The following ANKS1B variants were observed in gnomAD, a reference collection of about 807,000 sequenced individuals.
ANKS1B encodes ankyrin repeat and sterile alpha motif domain containing 1B.
Under a neutral mutation model 148.3 loss-of-function variants are expected in ANKS1B, and 36 were observed. That is an observed-to-expected ratio of 0.24 (90% CI 0.19 to 0.32). The LOEUF (loss-of-function observed/expected upper bound fraction) is 0.32, where lower values mean the gene tolerates loss of function less well. Among genes scored for constraint, ANKS1B ranks in the 10% least tolerant of loss-of-function variants. The pLI, the probability that ANKS1B is intolerant of heterozygous loss-of-function variation, is 1.00. For missense variants in ANKS1B, 1,157 were observed against 1,542.6 expected (o/e 0.75, Z 4.19); for synonymous variants, 542 against 560.8 (o/e 0.97, Z 0.47).
At chr12:99,068,708 AGAG>A (rs2045328536) in intron 16 of ANKS1B, among the ~76,000 whole-genome samples, 1 of 32,854 alleles carries the variant, frequency 3.0e-5, no homozygotes, top group Non-Finnish European at 1.0e-4. Context: ...GGGGGCAGAG[AGAG>A]AGAGAGAGAG....
downstream of ANKS1B, among the ~76,000 whole-genome samples, chr12:98,741,471 G>T (rs1017781846): frequency 6.6e-6 from 1 of 152,134 alleles, no homozygotes; most frequent in Non-Finnish European, 1.5e-5. Context: ...ACGATTTTGC[G>T]TGAAAATCCA....
chr12:99,726,241 G>T (rs1343497898), intron 8 of ANKS1B, among the ~76,000 whole-genome samples: 1 of 152,054 alleles, frequency 6.6e-6, no homozygotes, highest in Admixed American at 6.6e-5. Flanking sequence ...TAGACTGCTA[G>T]CTAGACTAAT....
chr12:99,145,542 G>A (rs566163467), intron 15 of ANKS1B, among the ~76,000 whole-genome samples: 22 of 152,162 alleles, frequency 1.4e-4, no homozygotes, highest in African/African-American at 5.1e-4. Flanking sequence ...AAAAGTGAAT[G>A]CGTATATTTA....
chr12:99,735,807 C>CAAAAAAAAA (rs376398944), intron 8 of ANKS1B, among the ~76,000 whole-genome samples: 241 of 108,748 alleles, frequency 2.2e-3, no homozygotes, highest in African/African-American at 3.1e-3. Context: ...GGACATATAC[C>CAAAAAAAAA]AAAAAAAAAA....
intron 6 of ANKS1B, among the ~76,000 whole-genome samples, chr12:99,777,920 C>T (rs569981596): frequency 2.6e-5 from 4 of 151,576 alleles, no homozygotes; most frequent in South Asian, 2.1e-4. Flanking sequence ...GAGAGGCAGC[C>T]GGGCACGGTA....
chr12:99,715,373 C>T (rs1416099203), intron 8 of ANKS1B, among the ~76,000 whole-genome samples: 1 of 152,170 alleles, frequency 6.6e-6, no homozygotes, highest in Non-Finnish European at 1.5e-5. Context: ...AAAAGCTCCC[C>T]TACTGAGCAC....
chr12:98,822,995 T>C (rs186857389), intron 19 of ANKS1B, among the ~76,000 whole-genome samples: 1 of 152,356 alleles, frequency 6.6e-6, no homozygotes, highest in Non-Finnish European at 1.5e-5. Context: ...TTGTCTCAGA[T>C]AGAGCAGGGT....
chr12:99,887,128 G>A (rs992609590), intron 1 of ANKS1B, among the ~76,000 whole-genome samples: 8 of 152,134 alleles, frequency 5.3e-5, no homozygotes, highest in Non-Finnish European at 1.0e-4. Context: ...GTCAGTAACT[G>A]AAACAGTGAA....
At chr12:99,853,878 AC>A (rs1026769154) in intron 1 of ANKS1B, among the ~76,000 whole-genome samples, 6 of 152,238 alleles carry the variant, frequency 3.9e-5, no homozygotes, top group Admixed American at 6.5e-5. Context: ...TAAATAAAAA[AC>A]AGTCAAAAAC....
intron 4 of ANKS1B, among the ~76,000 whole-genome samples, chr12:99,802,461 T>C (rs749511535): frequency 1.3e-5 from 2 of 152,142 alleles, no homozygotes; most frequent in African/African-American, 2.4e-5. Flanking sequence ...ATTAAAAAAA[T>C]ATTTAAAGAC....
Position 99,895,420 on chromosome 12 carries a change from C to T in ANKS1B, c.135-70031G>A, listed in dbSNP as rs977580672. ...TTCCTTAAAATCAATCCATCAACCC[C>T]CAACCCGTGTGTGTGTGTGTGTCCT... On this transcript the variant is annotated intron_variant, in intron 1 of 26. Transcript: ENST00000683438. 2.2e-4 allele frequency among the ~76,000 whole-genome samples: 29 copies of T among 129,674 alleles called. 1 individual carries two copies. The highest frequency in any genetic ancestry group is 7.5e-4 in the African/African-American group (29 of 38,716). 85.1% of individuals were successfully genotyped at this position (129,674 alleles called of 152,430 possible).
chr12:99,936,149 G>A (rs1028665091), intron 1 of ANKS1B, among the ~76,000 whole-genome samples: 1 of 152,144 alleles, frequency 6.6e-6, no homozygotes, highest in East Asian at 1.9e-4. Flanking sequence ...TGGGGATTAT[G>A]AGGATTACAA....
intron 1 of ANKS1B, among the ~76,000 whole-genome samples, chr12:99,930,682 G>C (rs2094590933): frequency 6.6e-6 from 1 of 152,138 alleles, no homozygotes; most frequent in African/African-American, 2.4e-5. Context: ...TCATTAAAAA[G>C]TCAGGAAACA....
intron 17 of ANKS1B, among the ~76,000 whole-genome samples, chr12:98,988,558 T>A (rs1220786997): frequency 6.6e-6 from 1 of 152,178 alleles, no homozygotes; most frequent in Non-Finnish European, 1.5e-5. Context: ...ACTGCTGCAA[T>A]GAACACCAAA....
chr12:98,973,331 G>A (rs1417431613), intron 17 of ANKS1B, among the ~76,000 whole-genome samples: 2 of 151,966 alleles, frequency 1.3e-5, no homozygotes, highest in African/African-American at 4.8e-5. Flanking sequence ...AAGCAGTATA[G>A]AATACCCATA....
intron 9 of ANKS1B, among the ~76,000 whole-genome samples, chr12:99,605,029 A>C (rs994806044): frequency 6.6e-6 from 1 of 151,948 alleles, no homozygotes; most frequent in African/African-American, 2.4e-5. Context: ...AAACTGTCAC[A>C]TTCTCAGACC....
intron 14 of ANKS1B, among the ~76,000 whole-genome samples, chr12:99,163,020 T>C (rs987758021): frequency 6.6e-6 from 1 of 151,464 alleles, no homozygotes; most frequent in African/African-American, 2.4e-5. Flanking sequence ...ATTGTGCCAC[T>C]GCACTCCAGC....
chr12:98,933,179 C>T (rs891589915), intron 17 of ANKS1B, among the ~76,000 whole-genome samples: 1 of 152,136 alleles, frequency 6.6e-6, no homozygotes, highest in African/African-American at 2.4e-5. Context: ...ACCACAATTG[C>T]ACTCTTTGAT....
At chr12:99,461,438 AG>A (rs1209839970) in intron 10 of ANKS1B, among the ~76,000 whole-genome samples, 2 of 150,994 alleles carry the variant, frequency 1.3e-5, no homozygotes, top group East Asian at 1.9e-4. Context: ...TTAAAAAAAA[AG>A]AAGAAGAAAA....
Sources: allele counts gnomAD v4.1 joint callset (sites outside exome capture counted in the v4.1 genomes callset), GRCh38; gene constraint gnomAD v4.1.1; transcripts MANE v1.5; gene names NCBI Gene and HGNC (gene_info 2026-07-23, HGNC 2026-07-21).